Variants in KCNK2 observed in about 807,000 individuals in gnomAD.
KCNK2 encodes the protein potassium channel subfamily K member 2.
A neutral mutation model predicts 40.5 loss-of-function variants in KCNK2; 21 were observed. That is an observed-to-expected ratio of 0.52 (90% CI 0.37 to 0.75). The LOEUF is 0.75. KCNK2 is among the 30% of genes least tolerant of loss of function. KCNK2 has a pLI of 0.00. For missense variants in KCNK2, 399 were observed against 531.6 expected, an observed-to-expected ratio of 0.75 and a Z score of 2.45; for synonymous variants, 191 against 202.2, an observed-to-expected ratio of 0.94 and a Z score of 0.47.
At position 215,172,095 on chromosome 1, in the gene KCNK2, C is replaced by A. The variant is rs1218081742; in HGVS notation, c.735C>A (p.Phe245Leu). 6.2e-7 allele frequency: 1 copy of A among 1,613,470 alleles called. No homozygotes were observed. Among genetic ancestry groups the A allele is most frequent in the Non-Finnish European group, 8.5e-7 (1 of 1,179,666 alleles). The part of the protein sequence containing the change: ...VLFVALPAII[F>L]KHIEGWSALD... ...TTGTGGCTCTGCCTGCGATCATATT[C>A]AAACACATAGAAGGCTGGAGTGCCC... is the stretch of plus-strand genomic sequence containing the variant. The change falls in exon 5 of 7, where the codon TTC becomes TTA. Residue 245 changes from phenylalanine (F) to leucine (L), a missense_variant. Physicochemically the swap from Phe to Leu is conservative, Grantham distance 22 (BLOSUM62 0). This residue lies in a region of KCNK2 where 279 missense variants were observed against 353.8 expected (regional missense o/e 0.79). Transcript: ENST00000444842.
chr1:215,199,285 G>A (rs943503404), intron 6 of KCNK2, among the ~76,000 whole-genome samples: 3 of 151,670 alleles, frequency 2.0e-5, no homozygotes, highest in African/African-American at 7.3e-5. Flanking sequence ...CTCCAGCCTG[G>A]GTGACAGAGC....
chr1:215,208,415 AC>A (rs1274150115), intron 6 of KCNK2, among the ~76,000 whole-genome samples: 1 of 152,136 alleles, frequency 6.6e-6, no homozygotes, highest in African/African-American at 2.4e-5. Context: ...CGGGCTTAAT[AC>A]CTTGGTGATG....
At chr1:215,202,275 G>A (rs1254464120) in intron 6 of KCNK2, among the ~76,000 whole-genome samples, 1 of 152,146 alleles carries the variant, frequency 6.6e-6, no homozygotes, top group African/African-American at 2.4e-5. Context: ...ACTATGTGAT[G>A]GGGAAAAGGT....
At chr1:215,019,732 T>C (rs1656722852) in intron 1 of KCNK2, among the ~76,000 whole-genome samples, 1 of 152,228 alleles carries the variant, frequency 6.6e-6, no homozygotes, top group Non-Finnish European at 1.5e-5. Context: ...AAAGATTTAT[T>C]GTAGACACGT....
chr1:215,113,321 T>A (rs1362314009), intron 2 of KCNK2, among the ~76,000 whole-genome samples: 1 of 152,162 alleles, frequency 6.6e-6, no homozygotes, highest in Non-Finnish European at 1.5e-5. Flanking sequence ...AAAGCAGTAA[T>A]ACAACTGAAC....
intron 1 of KCNK2, among the ~76,000 whole-genome samples, chr1:215,017,824 C>T (rs1656645006): frequency 1.3e-5 from 2 of 152,204 alleles, no homozygotes; most frequent in East Asian, 3.9e-4. Context: ...TTATGTTATA[C>T]ACCATATATG....
intron 2 of KCNK2, among the ~76,000 whole-genome samples, chr1:215,100,176 G>T (rs946057674): frequency 6.6e-6 from 1 of 151,812 alleles, no homozygotes; most frequent in Non-Finnish European, 1.5e-5. Context: ...TCCTTAGTAA[G>T]GTTTTGTCCT....
chr1:215,007,096 T>G (rs1656179840), intron 1 of KCNK2, among the ~76,000 whole-genome samples: 1 of 133,444 alleles, frequency 7.5e-6, no homozygotes, highest in Non-Finnish European at 1.6e-5. Context: ...TGTATATATA[T>G]ATGTATATAT....
intron 3 of KCNK2, among the ~76,000 whole-genome samples, chr1:215,141,437 C>T (rs1471351849): frequency 1.3e-5 from 2 of 152,044 alleles, no homozygotes; most frequent in African/African-American, 2.4e-5. Flanking sequence ...TTTTTCAGCT[C>T]TGTTATAATC....
intron 1 of KCNK2, among the ~76,000 whole-genome samples, chr1:215,007,035 A>ATGTGTGTGTGTGTG (rs1184078114): frequency 1.8e-5 from 1 of 56,636 alleles, no homozygotes; most frequent in African/African-American, 6.2e-5. Flanking sequence ...ATATATATAT[A>ATGTGTGTGTGTGTG]TATGTGTGTG....
At chr1:215,117,527 A>G (rs1183528079) in intron 2 of KCNK2, among the ~76,000 whole-genome samples, 1 of 152,170 alleles carries the variant, frequency 6.6e-6, no homozygotes, top group Non-Finnish European at 1.5e-5. Flanking sequence ...GAAATTTAGT[A>G]TGTTATACAC....
chr1:215,069,813 C>G (rs1250050985), intron 1 of KCNK2, among the ~76,000 whole-genome samples: 1 of 152,126 alleles, frequency 6.6e-6, no homozygotes, highest in African/African-American at 2.4e-5. Flanking sequence ...AACAGAATTA[C>G]TTGGGATAAT....
intron 6 of KCNK2, among the ~76,000 whole-genome samples, chr1:215,234,303 C>T (rs1195770708): frequency 6.6e-6 from 1 of 152,136 alleles, no homozygotes; most frequent in African/African-American, 2.4e-5. Context: ...CTTGCACACA[C>T]CTTTTCTGAT....
At chr1:215,184,292 A>G (rs1451379676) in intron 5 of KCNK2, among the ~76,000 whole-genome samples, 1 of 152,304 alleles carries the variant, frequency 6.6e-6, no homozygotes, top group East Asian at 1.9e-4. Context: ...GGAGAAAGTG[A>G]GATATAGTGA....
intron 2 of KCNK2, among the ~76,000 whole-genome samples, chr1:215,108,875 T>A (rs970180623): frequency 6.7e-5 from 10 of 149,350 alleles, no homozygotes; most frequent in Non-Finnish European, 1.3e-4. Context: ...TGAAGAAATA[T>A]CTTCACGTGC....
At chr1:215,132,069 C>A (rs1661703614) in intron 3 of KCNK2, among the ~76,000 whole-genome samples, 1 of 152,110 alleles carries the variant, frequency 6.6e-6, no homozygotes, top group Non-Finnish European at 1.5e-5. Flanking sequence ...TTTTAACAAG[C>A]AATTCCAGAT....
At position 215,211,909 on chromosome 1, in the gene KCNK2, C is replaced by T. The variant is rs1665759944; in HGVS notation, c.963+16817C>T. Among the ~76,000 whole-genome samples the T allele has an allele frequency of 2.0e-5, 3 of 152,010 alleles. No homozygotes were observed. In the South Asian group the frequency reaches 6.2e-4, roughly 32 times the overall value. On this transcript the variant is annotated intron_variant, in intron 6 of 6. Coordinates refer to ENST00000444842, the MANE Select transcript of KCNK2 (RefSeq NM_001017425.3). ...ATGTTTTCAGTAGAACCAAACTGTA[C>T]TTATTTTGGTGGTTTATACTCATTC...
intron 3 of KCNK2, among the ~76,000 whole-genome samples, chr1:215,129,655 T>C (rs1215683930): frequency 6.6e-6 from 1 of 152,112 alleles, no homozygotes; most frequent in Non-Finnish European, 1.5e-5. Context: ...GATTTTGGCA[T>C]GTTCAAAGAA....
chr1:215,121,347 T>A (rs1189235922), intron 2 of KCNK2, among the ~76,000 whole-genome samples: 1 of 152,170 alleles, frequency 6.6e-6, no homozygotes, highest in East Asian at 1.9e-4. Flanking sequence ...GAGAGCATGA[T>A]CACAGCTCAG....
Sources: gnomAD v4.1 joint callset for allele counts (sites outside exome capture counted in the v4.1 genomes callset) on GRCh38, gnomAD v4.1.1 for gene constraint, gnomAD v4.1.1 regional missense constraint, MANE v1.5 for transcripts, NCBI Gene and HGNC (gene_info 2026-07-23, HGNC 2026-07-21) for gene names.